Variants in CIITA observed in about 807,000 individuals in gnomAD.
CIITA encodes class II major histocompatibility complex transactivator.
CIITA carries 72 observed loss-of-function variants against 115.1 expected under a neutral mutation model. The observed-to-expected ratio is 0.63, with a 90% CI of 0.52 to 0.76. The LOEUF is 0.76. Ranked by LOEUF, CIITA falls within the 30% of genes least tolerant of loss-of-function variation. The pLI is 0.00. For synonymous variants in CIITA, 763 were observed against 635.6 expected (o/e 1.20, Z -3.02); for missense variants, 1,617 against 1,463.8 (o/e 1.10, Z -1.71).
Position 10,920,603 on chromosome 16 carries a change from A to G in CIITA, c.3150-1564A>G, listed in dbSNP as rs1447592572. ...TGGAATCTAAGATGCCATCCATTGTAAGACCCCAATATGAGGCCAAAATGC... is the reference window on the plus strand; with the variant it reads ...TGGAATCTAAGATGCCATCCATTGTGAGACCCCAATATGAGGCCAAAATGC... On this transcript the variant is annotated intron_variant, in intron 16 of 19. Coordinates refer to ENST00000324288, the MANE Select transcript of CIITA (RefSeq NM_000246.4). This position sits in a 1 kb window ranked among gnomAD's most constrained non-coding sequence, Gnocchi z 4.5. 1.3e-5 allele frequency among the ~76,000 whole-genome samples: 2 copies of G among 152,230 alleles called. No homozygotes were observed. The highest frequency in any genetic ancestry group is 4.8e-5 in the African/African-American group (2 of 41,460).
chr16:10,901,698 T>C lies in CIITA; in HGVS notation c.481+140T>C. ...CCTTCTTTGGGTAGAGGCTGAGAGC[T>C]TGGGGTCCCTTAGAGTCCTCTAAGG... On this transcript the variant is annotated intron_variant, in intron 6 of 19. Coordinates refer to ENST00000324288, the MANE Select transcript of CIITA (RefSeq NM_000246.4). This position sits in a 1 kb window ranked among gnomAD's most constrained non-coding sequence, Gnocchi z 6.8. 1.1e-6 allele frequency: 1 copy of C among 939,126 alleles called. No homozygotes were observed. The highest frequency in any genetic ancestry group is 1.4e-5 in the South Asian group (1 of 70,274). 58.2% of individuals were successfully genotyped at this position (939,126 alleles called of 1,614,324 possible).
intron 5 of CIITA, among the ~76,000 whole-genome samples, chr16:10,900,699 C>T (rs1261826919): frequency 6.6e-6 from 1 of 150,612 alleles, no homozygotes; most frequent in Non-Finnish European, 1.5e-5. Flanking sequence ...AAGATTGCGC[C>T]AGTGCACTCC....
chr16:10,905,447 CTT>C, intron 10 of CIITA, among the ~76,000 whole-genome samples: 1 of 152,110 alleles, frequency 6.6e-6, no homozygotes. Context: ...GAAGAAAAAG[CTT>C]AGTGAGTAAA....
intron 1 of CIITA, among the ~76,000 whole-genome samples, chr16:10,890,639 A>C (rs2144071909): frequency 6.6e-6 from 1 of 152,270 alleles, no homozygotes; most frequent in Admixed American, 6.5e-5. Flanking sequence ...CCTTATGCAA[A>C]AGAACAGAAA....
At chr16:10,908,876 G>T in intron 11 of CIITA, 153 bp from the exon 12 acceptor site, 1 of 1,017,846 alleles carries the variant, frequency 9.8e-7, no homozygotes, top group Non-Finnish European at 1.5e-6. Flanking sequence ...ATCAATAAAG[G>T]CTGGAGTGGT....
Position 10,879,267 on chromosome 16 carries a change from C to T in CIITA, c.52+1885C>T, listed in dbSNP as rs1408241800. 6.6e-6 allele frequency among the ~76,000 whole-genome samples: 1 copy of T among 152,190 alleles called. No individual in the cohort carries two copies. The highest frequency in any genetic ancestry group is 6.5e-5 in the Admixed American group (1 of 15,284). On this transcript the variant is annotated intron_variant, in intron 1 of 19. Coordinates refer to ENST00000324288, the MANE Select transcript of CIITA (RefSeq NM_000246.4). This position sits in a 1 kb window ranked among gnomAD's most constrained non-coding sequence, Gnocchi z 4.3. ...GGAGCTTGGCTTGCTGTGCCCAGAG[C>T]TCCGGGGCCGTGGGCGGGTGGCAGG... is the stretch of plus-strand genomic sequence containing the variant.
chr16:10,870,037 T>C (rs759838054), intron 1 of CIITA, among the ~76,000 whole-genome samples: 3 of 151,926 alleles, frequency 2.0e-5, no homozygotes, highest in Non-Finnish European at 2.9e-5. Context: ...GGATAGTTCA[T>C]GTAATGCCAT....
chr16:10,877,684 C>T (rs773739749), intron 1 of CIITA, among the ~76,000 whole-genome samples: 4 of 152,162 alleles, frequency 2.6e-5, no homozygotes, highest in Non-Finnish European at 5.9e-5. Flanking sequence ...TGGCTCGGCC[C>T]ACAGCAAGGT....
intron 11 of CIITA, 32 bp from the exon 12 acceptor site, chr16:10,908,997 C>T: frequency 6.2e-7 from 1 of 1,613,880 alleles, no homozygotes. Flanking sequence ...AGCCTGGTCA[C>T]CGTGCCTGGG....
rs1188961045 is a variant in CIITA at position 10,879,864 on chromosome 16, C to T, written c.52+2482C>T. ...TCTGGAACTCTTAAAAGCCGCGGTCCTCCTGAGTCCCACAGCCCCTCTCCA... is the reference window on the plus strand; with the variant it reads ...TCTGGAACTCTTAAAAGCCGCGGTCTTCCTGAGTCCCACAGCCCCTCTCCA... On this transcript the variant is annotated intron_variant, in intron 1 of 19. Coordinates refer to ENST00000324288, the MANE Select transcript of CIITA (RefSeq NM_000246.4). This position sits in a 1 kb window ranked among gnomAD's most constrained non-coding sequence, Gnocchi z 4.3. Among the ~76,000 whole-genome samples, 1 of 152,148 alleles carries T rather than the reference C, an allele frequency of 6.6e-6. No individual in the cohort carries two copies. The highest frequency in any genetic ancestry group is 1.5e-5 in the Non-Finnish European group (1 of 68,020).
chr16:10,866,393 T>A (rs769652278), intron 1 of CIITA: 1 of 566,594 alleles, frequency 1.8e-6, no homozygotes, highest in Non-Finnish European at 3.5e-6. Context: ...AAGGAGGACC[T>A]CCTCTCCAGG....
chr16:10,874,722 G>A (rs1048127504), upstream of CIITA, among the ~76,000 whole-genome samples: 1 of 152,184 alleles, frequency 6.6e-6, no homozygotes, highest in Admixed American at 6.5e-5. Flanking sequence ...CGAACCTCTG[G>A]TACAGGGAAG....
At position 10,895,334 on chromosome 16, in the gene CIITA, G is replaced by A. The variant is rs1298057781; in HGVS notation, c.105G>A (p.Leu35=). The part of the protein sequence containing the change: ...MELGPLEGGY[L]ELLNSDADPL... ...TGGGGCCCCTAGAAGGTGGCTACCT[G>A]GAGCTTCTTAACAGCGATGCTGACC... Residue 35 remains leucine (L), a synonymous_variant, in exon 2 of 20, where the codon CTG becomes CTA. Coordinates refer to ENST00000324288, the MANE Select transcript of CIITA (RefSeq NM_000246.4). 1.9e-6 allele frequency: 3 copies of A among 1,614,076 alleles called. No homozygotes were observed. The Admixed American group carries it at 5.0e-5, about 27-fold the overall frequency.
In CIITA at chr16:10,907,026, C is replaced by T; in HGVS notation, c.1534C>T (p.His512Tyr). 1 of 1,608,526 alleles carries T rather than the reference C, an allele frequency of 6.2e-7. No individual in the cohort carries two copies. The highest frequency in any genetic ancestry group is 8.5e-7 in the Non-Finnish European group (1 of 1,179,826). Residue 512 changes from histidine (H) to tyrosine (Y), a missense_variant, in exon 11 of 20, where the codon CAC becomes TAC. By Grantham distance (83) the His-to-Tyr change is moderately conservative. Coordinates refer to ENST00000324288, the MANE Select transcript of CIITA (RefSeq NM_000246.4). This position sits in a 1 kb window ranked among gnomAD's most constrained non-coding sequence, Gnocchi z 5.0. Reference sequence around the variant, plus strand: ...GCTGGAAGCGCAAGATGGCTTCCTGCACAGCACGTGCGGACCGGCACCGGC... The same window carrying T: ...GCTGGAAGCGCAAGATGGCTTCCTGTACAGCACGTGCGGACCGGCACCGGC... ...EELEAQDGFL[H>Y]STCGPAPAEP...
chr16:10,876,267 G>A (rs59252235), upstream of CIITA, among the ~76,000 whole-genome samples: 5 of 152,136 alleles, frequency 3.3e-5, no homozygotes, highest in African/African-American at 4.8e-5. Context: ...CTCCTGCTTC[G>A]GCCTCCCAAA....
intron 13 of CIITA, 137 bp downstream of exon 13, chr16:10,910,396 C>T (rs927755084): frequency 6.2e-6 from 5 of 801,698 alleles, no homozygotes; most frequent in Middle Eastern, 2.6e-4. Context: ...GAAATAGCTT[C>T]CAGCAGCTGG....
chr16:10,917,075 G>T (rs1435704745), intron 15 of CIITA: 1 of 222,558 alleles, frequency 4.5e-6, no homozygotes, highest in Non-Finnish European at 9.0e-6. Flanking sequence ...GATAGATTAG[G>T]ATTTATCAAT....
chr16:10,906,779 G>C lies in CIITA; in HGVS notation c.1287G>C (p.Trp429Cys), dbSNP rs1311688934. The change falls in exon 11 of 20, where the codon TGG becomes TGC. Residue 429 changes from tryptophan (W) to cysteine (C), a missense_variant. Transcript: ENST00000324288. Reference sequence around the variant, plus strand: ...AAGCTGGTCAGGGCAAGAGCTATTGGGCTGGGGCAGTGAGCCGGGCCTGGG... The same window carrying C: ...AAGCTGGTCAGGGCAAGAGCTATTGCGCTGGGGCAGTGAGCCGGGCCTGGG... The part of the protein sequence containing the change: ...LGKAGQGKSY[W>C]AGAVSRAWAC... 2.5e-6 allele frequency: 4 copies of C among 1,611,548 alleles called. No homozygotes were observed. The highest frequency in any genetic ancestry group is 3.4e-6 in the Non-Finnish European group (4 of 1,180,006).
chr16:10,875,534 A>C (rs1044046989), upstream of CIITA, among the ~76,000 whole-genome samples: 1 of 152,136 alleles, frequency 6.6e-6, no homozygotes, highest in Admixed American at 6.5e-5. Context: ...TTCAGCAAAA[A>C]TGCATGAGGC....
Sources: allele counts gnomAD v4.1 joint callset (sites outside exome capture counted in the v4.1 genomes callset), GRCh38; gene constraint gnomAD v4.1.1; non-coding constraint Gnocchi (gnomAD v3.1); transcripts MANE v1.5; gene names NCBI Gene and HGNC (gene_info 2026-07-23, HGNC 2026-07-21).